POPDC3: variants seen among roughly 807,000 people sequenced by gnomAD.
The protein encoded by POPDC3 is popeye domain cAMP effector 3.
Under a neutral mutation model 28.2 loss-of-function variants are expected in POPDC3, and 20 were observed. The ratio of observed to expected loss-of-function variants is 0.71; its 90% CI spans 0.50 to 1.03. POPDC3 has a LOEUF of 1.03. Among genes scored for constraint, POPDC3 ranks in the 50% least tolerant of loss-of-function variants. The probability of loss-of-function intolerance (pLI) is 0.00; values close to 1 mark genes in which losing one functional copy is unlikely to be tolerated. For missense variants in POPDC3, 316 were observed against 345.9 expected (o/e 0.91, Z 0.69); for synonymous variants, 118 against 124.1 (o/e 0.95, Z 0.33).
At chr6:105,161,361 T>C (rs1774322283) in intron 2 of POPDC3, 64 bp downstream of exon 2, 4 of 1,540,654 alleles carry the variant, frequency 2.6e-6, no homozygotes, top group East Asian at 4.5e-5. Context: ...TGGAAAAATA[T>C]AGTGGAAAGA....
Position 105,161,974 on chromosome 6 carries a change from T to A in POPDC3, c.-65A>T. On this transcript the variant is annotated 5_prime_UTR_variant, in exon 2 of 4. Transcript: ENST00000254765. ...GATGACACTGAAACAGGTAACTAAG[T>A]CCTTTGGTTCTCCATCATGAGAGTT... 2 of 1,524,300 alleles carry A rather than the reference T, an allele frequency of 1.3e-6. No homozygotes were observed. Among genetic ancestry groups the A allele is most frequent in the South Asian group, 1.3e-5 (1 of 74,368 alleles). 94.4% of individuals were successfully genotyped at this position (1,524,300 alleles called of 1,614,324 possible). A position where few individuals can be genotyped will look rare whatever the true frequency, so the allele number is the denominator to read the frequency against.
Position 105,158,406 on chromosome 6 carries a change from TA to T in POPDC3, c.*63del, listed in dbSNP as rs761727705. On this transcript the variant is annotated 3_prime_UTR_variant, in exon 4 of 4. Coordinates refer to ENST00000254765, the MANE Select transcript of POPDC3 (RefSeq NM_022361.5). ...AGGGAGCTCTTTTTTTGTATTTTGC[TA>T]TTTCACTGGGGAATGATGAAGAGAG... 117 of 1,374,146 alleles carry T rather than the reference TA, an allele frequency of 8.5e-5. No homozygotes were observed. Among genetic ancestry groups the T allele is most frequent in the Non-Finnish European group, 1.1e-4 (115 of 1,017,220 alleles). The allele number at this position is 1,374,146 out of a possible 1,614,324, so 85.1% of individuals were successfully genotyped here. A position where few individuals can be genotyped will look rare whatever the true frequency, so the allele number is the denominator to read the frequency against.
Position 105,158,694 on chromosome 6 carries a change from A to G in POPDC3, c.652T>C (p.Tyr218His). The G allele has an allele frequency of 6.2e-7, 1 of 1,614,122 alleles. No homozygotes were observed. Among genetic ancestry groups the G allele is most frequent in the East Asian group, 2.2e-5 (1 of 44,872 alleles). The change falls in exon 4 of 4, where the codon TAT (tyrosine) becomes CAT (histidine). Residue 218 changes from tyrosine (Y) to histidine (H), a missense_variant. Tyr to His is a moderately conservative substitution (Grantham distance 83). Coordinates refer to ENST00000254765, the MANE Select transcript of POPDC3 (RefSeq NM_022361.5). The part of the protein sequence containing the change: ...RYVSWRRKKL[Y>H]LLFAQHRYIS... ...TAGCGATGCTGAGCAAAGAGCAGAT[A>G]TAATTTCTTTCTCCTCCAAGACACA...
intron 2 of POPDC3, 38 bp from the exon 3 acceptor site, chr6:105,159,857 G>T: frequency 7.3e-7 from 1 of 1,377,480 alleles, no homozygotes; most frequent in Non-Finnish European, 1.0e-6. Flanking sequence ...AAGGGAAGGA[G>T]AAAGAGAGCA....
At chr6:105,175,429 A>G (rs1207990415) in intron 1 of POPDC3, among the ~76,000 whole-genome samples, 1 of 147,470 alleles carries the variant, frequency 6.8e-6, no homozygotes, top group African/African-American at 2.5e-5. Context: ...TCCCAGCTAC[A>G]TGGGAGGCTG....
chr6:105,159,768 C>G lies in POPDC3; in HGVS notation c.537G>C (p.Gln179His). The G allele has an allele frequency of 6.2e-7, 1 of 1,613,466 alleles. No individual in the cohort carries two copies. The highest frequency in any genetic ancestry group is 8.5e-7 in the Non-Finnish European group (1 of 1,179,748). Reference protein sequence around the residue: ...GEFLHYIFPLQFLDSPEWDSL... With the variant: ...GEFLHYIFPLHFLDSPEWDSL... ...AATCCCACTCAGGAGAATCCAGGAA[C>G]TGAAGGGGGAAAATGTAATGCAGAA... is the stretch of plus-strand genomic sequence containing the variant. The change falls in exon 3 of 4, where the codon CAG (glutamine) becomes CAC (histidine). Residue 179 changes from glutamine (Q) to histidine (H), a missense_variant. Transcript: ENST00000254765.
intron 1 of POPDC3, among the ~76,000 whole-genome samples, chr6:105,165,317 A>T (rs1774433978): frequency 6.6e-6 from 1 of 152,208 alleles, no homozygotes; most frequent in Non-Finnish European, 1.5e-5. Context: ...TCAGTCTGTA[A>T]CTCTTAGAAT....
In POPDC3 at chr6:105,158,708, C is replaced by T. The variant is rs1472413115; in HGVS notation, c.638G>A (p.Arg213Lys). Residue 213 changes from arginine (R) to lysine (K), a missense_variant, in exon 4 of 4, where the codon AGG becomes AAG. Physicochemically the swap from Arg to Lys is conservative, Grantham distance 26. Coordinates refer to ENST00000254765, the MANE Select transcript of POPDC3 (RefSeq NM_022361.5). ...AETDCRYVSW[R>K]RKKLYLLFAQ... ...AAAGAGCAGATATAATTTCTTTCTC[C>T]TCCAAGACACATATCGACAATCAGT... The T allele has an allele frequency of 1.2e-6, 2 of 1,613,754 alleles. No individual in the cohort carries two copies. Among genetic ancestry groups the T allele is most frequent in the Admixed American group, 1.7e-5 (1 of 59,986 alleles).
intron 1 of POPDC3, among the ~76,000 whole-genome samples, chr6:105,176,435 G>A (rs1429650025): frequency 1.3e-5 from 2 of 152,182 alleles, no homozygotes; most frequent in Admixed American, 6.5e-5. Context: ...TTTTCTGTTC[G>A]TTTATGTACA....
At chr6:105,166,110 T>C (rs951550284) in intron 1 of POPDC3, among the ~76,000 whole-genome samples, 1 of 152,238 alleles carries the variant, frequency 6.6e-6, no homozygotes, top group African/African-American at 2.4e-5. Flanking sequence ...TAGTCTTAGC[T>C]GTATCCCTAG....
At chr6:105,178,858 G>T (rs762424408) in intron 1 of POPDC3, 7 of 985,398 alleles carry the variant, frequency 7.1e-6, no homozygotes, top group Non-Finnish European at 8.4e-6. Flanking sequence ...AACTTAGTAT[G>T]AACAGGCAAC....
chr6:105,166,548 A>T (rs1166780527), intron 1 of POPDC3: 1 of 471,124 alleles, frequency 2.1e-6, no homozygotes, highest in East Asian at 6.9e-5. Context: ...TTAAAGAGCC[A>T]GAAAGGTACA....
At chr6:105,163,986 T>C (rs1190287) in intron 1 of POPDC3, among the ~76,000 whole-genome samples, 140,537 of 152,224 alleles carry the variant, frequency 0.92, 65,016 homozygotes, top group Non-Finnish European at 0.96. Flanking sequence ...GCACAAAATT[T>C]TATTCTACTG....
At position 105,178,386 on chromosome 6, in the gene POPDC3, T is replaced by C. The variant is rs537098945; in HGVS notation, c.-252+1447A>G. Reference sequence around the variant, plus strand: ...TTGTTTCCCATGACACATTTTTATTTAATAGCATAGAATGTAACCATTTAG... The same window carrying C: ...TTGTTTCCCATGACACATTTTTATTCAATAGCATAGAATGTAACCATTTAG... On this transcript the variant is annotated intron_variant, in intron 1 of 3. Coordinates refer to ENST00000254765, the MANE Select transcript of POPDC3 (RefSeq NM_022361.5). Among the ~76,000 whole-genome samples the C allele has an allele frequency of 2.4e-4, 37 of 152,334 alleles. No homozygotes were observed. In the South Asian group the frequency reaches 7.2e-3, roughly 30 times the overall value.
intron 1 of POPDC3, among the ~76,000 whole-genome samples, chr6:105,167,381 G>A (rs1390355163): frequency 6.6e-6 from 1 of 152,142 alleles, no homozygotes; most frequent in Non-Finnish European, 1.5e-5. Context: ...AAAAACTAGG[G>A]TTGTTAAGAT....
At chr6:105,165,904 T>C (rs1774445748) in intron 1 of POPDC3, among the ~76,000 whole-genome samples, 1 of 152,232 alleles carries the variant, frequency 6.6e-6, no homozygotes, top group Admixed American at 6.5e-5. Flanking sequence ...TTTTTTGACT[T>C]GTCCTTGAGG....
chr6:105,162,155 T>G lies in POPDC3; in HGVS notation c.-246A>C. The G allele has an allele frequency of 8.0e-7, 1 of 1,251,582 alleles. No individual in the cohort carries two copies. Among genetic ancestry groups the G allele is most frequent in the Non-Finnish European group, 1.0e-6 (1 of 1,000,538 alleles). 77.5% of individuals were successfully genotyped at this position (1,251,582 alleles called of 1,614,324 possible). ...TGGATCCAGTCTGCAAATATTTTGG[T>G]ATTTCCTATGCAAGAGAAAAAAAGA... On this transcript the variant is annotated 5_prime_UTR_variant, in exon 2 of 4. Coordinates refer to ENST00000254765, the MANE Select transcript of POPDC3 (RefSeq NM_022361.5).
At chr6:105,174,245 G>T (rs1012080252) in intron 1 of POPDC3, among the ~76,000 whole-genome samples, 1 of 152,252 alleles carries the variant, frequency 6.6e-6, no homozygotes, top group African/African-American at 2.4e-5. Context: ...TACAATGTTG[G>T]CCAGGCTGGT....
Position 105,159,806 on chromosome 6 carries a change from C to T in POPDC3, c.499G>A (p.Val167Ile). 6.2e-7 allele frequency: 1 copy of T among 1,611,294 alleles called. No homozygotes were observed. Among genetic ancestry groups the T allele is most frequent in the Non-Finnish European group, 8.5e-7 (1 of 1,178,006 alleles). ...LLVSGRIRVT[V>I]DGEFLHYIFP... ...ATGTAATGCAGAAATTCGCCATCAA[C>T]TGTCACTCTGATCCTATCAAAACAC... The change falls in exon 3 of 4, where the codon GTT (valine) becomes ATT (isoleucine). Residue 167 changes from valine (V) to isoleucine (I), a missense_variant. Transcript: ENST00000254765.
Sources: gnomAD v4.1 joint callset for allele counts (sites outside exome capture counted in the v4.1 genomes callset) on GRCh38, gnomAD v4.1.1 for gene constraint, MANE v1.5 for transcripts, NCBI Gene and HGNC (gene_info 2026-07-23, HGNC 2026-07-21) for gene names.